The following DOCK11 variants were observed in gnomAD, a reference collection of about 807,000 sequenced individuals.
DOCK11 encodes dedicator of cytokinesis protein 11.
Under a neutral mutation model 169.1 loss-of-function variants are expected in DOCK11, and 70 were observed. That is an observed-to-expected ratio of 0.41 (90% confidence interval 0.34 to 0.51). The LOEUF is 0.51. Among genes scored for constraint, DOCK11 ranks in the 20% least tolerant of loss-of-function variants. DOCK11 has a pLI of 0.10. For synonymous variants in DOCK11, 529 were observed against 541.3 expected (o/e 0.98, Z 0.32); for missense variants, 1,166 against 1,538.8 (o/e 0.76, Z 4.05).
chrX:118,640,203 G>A (rs1274836541), intron 38 of DOCK11, among the ~76,000 whole-genome samples: 1 of 112,092 alleles, frequency 8.9e-6, no homozygotes, highest in Non-Finnish European at 1.9e-5. Context: ...AAGCTAGAGG[G>A]TTATATAAAT....
intron 1 of DOCK11, among the ~76,000 whole-genome samples, chrX:118,534,738 CTT>C (rs779281069): frequency 1.4e-3 from 152 of 112,018 alleles, no homozygotes; most frequent in Non-Finnish European, 1.1e-3. Context: ...AGAGCAGTCT[CTT>C]TGTACTATTT....
In DOCK11 at chrX:118,500,561, C is replaced by T. The variant is rs1377050347; in HGVS notation, c.102+4488C>T. On this transcript the variant is annotated intron_variant, in intron 1 of 52. Transcript: ENST00000276202. The stretch of plus-strand genomic sequence containing the variant: ...ATAGATGTATACATATCTATACATA[C>T]ATATACATACCCACACACATATATG... 7.2e-5 allele frequency among the ~76,000 whole-genome samples: 8 copies of T among 111,105 alleles called. No individual in the cohort carries two copies. The Admixed American group carries it at 7.6e-4, about 11-fold the overall frequency.
chrX:118,547,270 G>C lies in DOCK11; in HGVS notation c.558+1154G>C, dbSNP rs189929104. On this transcript the variant is annotated intron_variant, in intron 6 of 52. Coordinates refer to ENST00000276202, the MANE Select transcript of DOCK11 (RefSeq NM_144658.4). ...GAAGGTCATTCTATCTTTCACACAG[G>C]CTGCAAGTAGAAACCGTGGGTATCT... 1.7e-3 allele frequency among the ~76,000 whole-genome samples: 186 copies of C among 111,698 alleles called. 1 individual carries two copies. The highest frequency in any genetic ancestry group is 1.2e-3 in the Non-Finnish European group (62 of 53,102).
chrX:118,497,049 A>C (rs760489650), intron 1 of DOCK11, among the ~76,000 whole-genome samples: 5 of 112,695 alleles, frequency 4.4e-5, no homozygotes, highest in African/African-American at 1.6e-4. Context: ...TTTCCTGGAC[A>C]AGCGAACAAA....
In DOCK11 at chrX:118,639,693, T is replaced by C. The variant is rs1266474021; in HGVS notation, c.4144+116T>C. 3 of 779,153 alleles carry C rather than the reference T, an allele frequency of 3.9e-6. No individual in the cohort carries two copies. The Admixed American group carries it at 1.0e-4, about 27-fold the overall frequency. 64.2% of individuals were successfully genotyped at this position (779,153 alleles called of 1,213,427 possible). A position where few individuals can be genotyped will look rare whatever the true frequency, so the allele number is the denominator to read the frequency against. ...CCTTGATCATTACACATTATATGCA[T>C]GTAACAAAATATCACCTGTATCCCT... On this transcript the variant is annotated intron_variant, in intron 38 of 52. Transcript: ENST00000276202.
At chrX:118,628,771 A>G (rs1428175029) in intron 34 of DOCK11, among the ~76,000 whole-genome samples, 5 of 112,774 alleles carry the variant, frequency 4.4e-5, no homozygotes, top group Non-Finnish European at 9.4e-5. Flanking sequence ...AAAGTTTGAG[A>G]TGTGACTGCC....
intron 26 of DOCK11, among the ~76,000 whole-genome samples, chrX:118,608,606 A>G (rs921243187): frequency 8.9e-6 from 1 of 111,746 alleles, no homozygotes; most frequent in Admixed American, 9.5e-5. Flanking sequence ...AGAATCCTGT[A>G]TCCATCACAA....
intron 7 of DOCK11, among the ~76,000 whole-genome samples, chrX:118,562,126 A>G (rs1340730422): frequency 9.3e-6 from 1 of 107,024 alleles, no homozygotes; most frequent in Non-Finnish European, 1.9e-5. Context: ...AGACGGTGCC[A>G]CTACACTGCA....
At chrX:118,646,004 C>T (rs113157676) in intron 40 of DOCK11, among the ~76,000 whole-genome samples, 7 of 99,643 alleles carry the variant, frequency 7.0e-5, no homozygotes, top group Non-Finnish European at 1.2e-4. Context: ...TGCAGTGAGC[C>T]GAGATCGCGC....
intron 20 of DOCK11, among the ~76,000 whole-genome samples, chrX:118,595,790 T>C (rs993365729): frequency 1.7e-4 from 19 of 111,720 alleles, no homozygotes; most frequent in Non-Finnish European, 9.4e-5. Flanking sequence ...AAGTGCTCTC[T>C]ATGAGTTTTG....
intron 1 of DOCK11, among the ~76,000 whole-genome samples, chrX:118,510,760 T>C (rs763732862): frequency 8.9e-6 from 1 of 112,115 alleles, no homozygotes; most frequent in Admixed American, 9.5e-5. Flanking sequence ...CAAGTTAGAC[T>C]GGGCATGGTC....
rs1157804079 is a variant in DOCK11 at position 118,544,645 on chromosome X, C to CTTTTTTTTTTTTTTTTTTTTTTTTT, written c.393-670_393-646dup. On this transcript the variant is annotated intron_variant, in intron 4 of 52. Coordinates refer to ENST00000276202, the MANE Select transcript of DOCK11 (RefSeq NM_144658.4). ...TGCAAGAGCCAGAATTACACTGTTGCTTTTTTTTTTTTTTTTTTTTTTTTT... is the reference window on the plus strand; with the variant it reads ...TGCAAGAGCCAGAATTACACTGTTGCTTTTTTTTTTTTTTTTTTTTTTTTTTTTTTTTTTTTTTTTTTTTTTTTTT... Among the ~76,000 whole-genome samples the CTTTTTTTTTTTTTTTTTTTTTTTTT allele has an allele frequency of 1.7e-4, 4 of 23,363 alleles. 1 individual carries two copies. The highest frequency in any genetic ancestry group is 1.4e-4 in the Non-Finnish European group (2 of 13,900). The allele number at this position is 23,363 out of a possible 115,157, so 20.3% of individuals were successfully genotyped here. A position where few individuals can be genotyped will look rare whatever the true frequency, so the allele number is the denominator to read the frequency against.
In DOCK11 at chrX:118,565,986, T is replaced by C; in HGVS notation, c.694-19T>C. ...AGGACAACTAAACTAACTGAACACA[T>C]ACTTTTTCTCCCCTCTAGTGCCCCA... On this transcript the variant is annotated intron_variant, in intron 7 of 52. Transcript: ENST00000276202. The C allele has an allele frequency of 1.7e-6, 2 of 1,202,660 alleles. No homozygotes were observed. The highest frequency in any genetic ancestry group is 2.2e-6 in the Non-Finnish European group (2 of 889,067).
rs998838898 is a variant in DOCK11, at chrX:118,646,234, G to A, written c.4398+2640G>A. ...GCAGTATTCTGAGAACTAAAAGGCTGGTATTTTTGGAGCATAGTGAACTAG... is the reference window on the plus strand; with the variant it reads ...GCAGTATTCTGAGAACTAAAAGGCTAGTATTTTTGGAGCATAGTGAACTAG... On this transcript the variant is annotated intron_variant, in intron 40 of 52. Transcript: ENST00000276202. 5.4e-5 allele frequency among the ~76,000 whole-genome samples: 6 copies of A among 111,091 alleles called. No individual in the cohort carries two copies. In the Admixed American group the frequency reaches 5.8e-4, roughly 11 times the overall value.
rs190050235 is a variant in DOCK11, at chrX:118,603,616, A to G, written c.2563-1622A>G. Among the ~76,000 whole-genome samples, 438 of 112,240 alleles carry G rather than the reference A, an allele frequency of 3.9e-3. 2 individuals are homozygous for G. The highest frequency in any genetic ancestry group is 0.014 in the African/African-American group (418 of 30,867). ...CATGCTATTTACTGTTGATATTGCA[A>G]TTATTTAGTTCCATGTGTTTATCCC... On this transcript the variant is annotated intron_variant, in intron 23 of 52. Transcript: ENST00000276202.
chrX:118,515,453 G>A (rs1197356390), intron 1 of DOCK11, among the ~76,000 whole-genome samples: 1 of 110,926 alleles, frequency 9.0e-6, no homozygotes, highest in Non-Finnish European at 1.9e-5. Flanking sequence ...GGTTGGTCTC[G>A]AACTCCTGAC....
At chrX:118,648,026 TA>T (rs1429258676) in intron 40 of DOCK11, among the ~76,000 whole-genome samples, 1,708 of 54,884 alleles carry the variant, frequency 0.031, 46 homozygotes, top group Non-Finnish European at 0.046. Flanking sequence ...ATATAAATTA[TA>T]ATATTATATA....
At chrX:118,601,625 C>A (rs1465987832) in intron 23 of DOCK11, among the ~76,000 whole-genome samples, 1 of 111,257 alleles carries the variant, frequency 9.0e-6, no homozygotes. Context: ...TAGAAAAGTT[C>A]TCGTATTTGT....
chrX:118,584,865 T>C lies in DOCK11; in HGVS notation c.1718+8T>C, dbSNP rs765407229. On this transcript the variant is annotated splice_region_variant and intron_variant, in intron 15 of 52. Transcript: ENST00000276202. ...GCTCTCAGAATATAAGAAGTAAGTG[T>C]TTGGTGTTTCTGCAATAAGTAAATA... is the stretch of plus-strand genomic sequence containing the variant. 6.7e-6 allele frequency: 8 copies of C among 1,186,987 alleles called. No individual in the cohort carries two copies. The highest frequency in any genetic ancestry group is 9.1e-6 in the Non-Finnish European group (8 of 883,962).
Sources: allele counts gnomAD v4.1 joint callset (sites outside exome capture counted in the v4.1 genomes callset), GRCh38; gene constraint gnomAD v4.1.1; transcripts MANE v1.5; gene names NCBI Gene and HGNC (gene_info 2026-07-23, HGNC 2026-07-21).